Variants in ST3GAL4 observed in about 807,000 individuals in gnomAD.
ST3GAL4 encodes the protein ST3 beta-galactoside alpha-2,3-sialyltransferase 4.
ST3GAL4 carries 24 observed loss-of-function variants against 42.6 expected under a neutral mutation model. The ratio of observed to expected loss-of-function variants is 0.56; its 90% CI spans 0.41 to 0.79. ST3GAL4 has a LOEUF of 0.79. Ranked by LOEUF, ST3GAL4 falls within the 30% of genes least tolerant of loss-of-function variation. The probability of loss-of-function intolerance (pLI) is 0.00; values close to 1 mark genes in which losing one functional copy is unlikely to be tolerated. For missense variants in ST3GAL4, 311 were observed against 430.8 expected (o/e 0.72, Z 2.46); for synonymous variants, 135 against 163.2 (o/e 0.83, Z 1.32).
At chr11:126,367,589 A>G (rs1490737820) in intron 1 of ST3GAL4, among the ~76,000 whole-genome samples, 1 of 152,098 alleles carries the variant, frequency 6.6e-6, no homozygotes, top group Non-Finnish European at 1.5e-5. Flanking sequence ...GACGTTACAA[A>G]CCAGGATGTG....
chr11:126,361,495 G>A (rs769614146), intron 1 of ST3GAL4, among the ~76,000 whole-genome samples: 9 of 151,804 alleles, frequency 5.9e-5, no homozygotes, highest in African/African-American at 1.5e-4. Context: ...CACATGGCTT[G>A]GGCATTGTTG....
chr11:126,388,803 T>C (rs7927540), intron 1 of ST3GAL4, among the ~76,000 whole-genome samples: 60,900 of 117,050 alleles, frequency 0.52, 16,548 homozygotes, highest in African/African-American at 0.64. Flanking sequence ...CGGATTTTTG[T>C]TCTTGTTGCC....
At chr11:126,382,705 G>C (rs961279228) in intron 1 of ST3GAL4, among the ~76,000 whole-genome samples, 2 of 152,176 alleles carry the variant, frequency 1.3e-5, no homozygotes, top group African/African-American at 2.4e-5. Context: ...GGGACCCTGG[G>C]CTGGCTTCTG....
intron 1 of ST3GAL4, among the ~76,000 whole-genome samples, chr11:126,372,667 C>T (rs937063773): frequency 5.3e-5 from 8 of 152,138 alleles, no homozygotes; most frequent in Non-Finnish European, 1.0e-4. Context: ...CTGCGTGCCT[C>T]GACCTCCCAA....
Position 126,379,459 on chromosome 11 carries a change from C to G in ST3GAL4, c.-61+23617C>G, listed in dbSNP as rs1185236890. ...TTATGGAAGGATTTCTCTTGGGTAT[C>G]CTTAATTTTGTTTTTATATTATTAT... On this transcript the variant is annotated intron_variant, in intron 1 of 10. Coordinates refer to ENST00000444328, the MANE Select transcript of ST3GAL4 (RefSeq NM_001254757.2). The surrounding 1 kb of genome is among the most constrained non-coding windows in gnomAD (Gnocchi z 4.2). Among the ~76,000 whole-genome samples the G allele has an allele frequency of 1.3e-5, 2 of 152,010 alleles. No individual in the cohort carries two copies. The highest frequency in any genetic ancestry group is 6.6e-5 in the Admixed American group (1 of 15,236).
rs1222507903 is a variant in ST3GAL4, at chr11:126,386,908, C to G, written c.-60-19188C>G. ...GAACGGTAACACACACACCCCTCCC[C>G]CACCCCGCTGGAGAAGCCCTGCACC... is the stretch of plus-strand genomic sequence containing the variant. On this transcript the variant is annotated intron_variant, in intron 1 of 10. Transcript: ENST00000444328. The surrounding 1 kb of genome is among the most constrained non-coding windows in gnomAD (Gnocchi z 4.7). Among the ~76,000 whole-genome samples, 2 of 152,170 alleles carry G rather than the reference C, an allele frequency of 1.3e-5. No individual in the cohort carries two copies. Among genetic ancestry groups the G allele is most frequent in the African/African-American group, 4.8e-5 (2 of 41,430 alleles).
Position 126,406,379 on chromosome 11 carries a change from G to T in ST3GAL4, c.17-94G>T. 2 of 1,596,610 alleles carry T rather than the reference G, an allele frequency of 1.3e-6. No individual in the cohort carries two copies. Among genetic ancestry groups the T allele is most frequent in the South Asian group, 2.3e-5 (2 of 88,876 alleles). ...AGAGACTGCTTCTGTTGAGTTAGGG[G>T]TCGGAGGGACTCAGAAGGGGGCAGG... On this transcript the variant is annotated intron_variant, in intron 2 of 10. Coordinates refer to ENST00000444328, the MANE Select transcript of ST3GAL4 (RefSeq NM_001254757.2). The surrounding 1 kb of genome is among the most constrained non-coding windows in gnomAD (Gnocchi z 5.4).
chr11:126,400,785 C>T lies in ST3GAL4; in HGVS notation c.-60-5311C>T, dbSNP rs1470623227. Among the ~76,000 whole-genome samples the T allele has an allele frequency of 3.9e-5, 6 of 152,120 alleles. No homozygotes were observed. Among genetic ancestry groups the T allele is most frequent in the Admixed American group, 2.0e-4 (3 of 15,268 alleles). ...GGGATCTGGAACCAGGCTGTGGCTC[C>T]GGAAGAGGAGCTGGAGGGCTGCACT... On this transcript the variant is annotated intron_variant, in intron 1 of 10. Transcript: ENST00000444328. The surrounding 1 kb of genome is among the most constrained non-coding windows in gnomAD (Gnocchi z 4.6).
Position 126,414,557 on chromosome 11 carries a change from T to C in ST3GAL4, c.*510T>C. ...CCAGCAGGCATGGGAAGAGCACTGG[T>C]GTGGGGGTTCCACCGAGAAGGGGAC... On this transcript the variant is annotated 3_prime_UTR_variant, in exon 11 of 11. Coordinates refer to ENST00000444328, the MANE Select transcript of ST3GAL4 (RefSeq NM_001254757.2). 1 of 153,164 alleles carries C rather than the reference T, an allele frequency of 6.5e-6. No homozygotes were observed. The highest frequency in any genetic ancestry group is 1.4e-5 in the Non-Finnish European group (1 of 69,028). 9.5% of individuals were successfully genotyped at this position (153,164 alleles called of 1,614,324 possible).
In ST3GAL4 at chr11:126,396,598, C is replaced by G. The variant is rs1488625253; in HGVS notation, c.-60-9498C>G. Among the ~76,000 whole-genome samples the G allele has an allele frequency of 6.6e-6, 1 of 151,758 alleles. No homozygotes were observed. The highest frequency in any genetic ancestry group is 2.4e-5 in the African/African-American group (1 of 41,110). On this transcript the variant is annotated intron_variant, in intron 1 of 10. Coordinates refer to ENST00000444328, the MANE Select transcript of ST3GAL4 (RefSeq NM_001254757.2). The surrounding 1 kb of genome is among the most constrained non-coding windows in gnomAD (Gnocchi z 5.8). ...ACAGGCTCTTCGTCACTGTGCGGAG[C>G]CTTCGAAGGACTTGGATGTGCTTGA...
chr11:126,404,262 T>C (rs1448708580), intron 1 of ST3GAL4, among the ~76,000 whole-genome samples: 2 of 152,186 alleles, frequency 1.3e-5, no homozygotes, highest in Non-Finnish European at 2.9e-5. Flanking sequence ...TCTGGCCTTT[T>C]TTGAGCAGTG....
chr11:126,410,192 G>A lies in ST3GAL4; in HGVS notation c.771+781G>A, dbSNP rs1411376960. 6.6e-6 allele frequency among the ~76,000 whole-genome samples: 1 copy of A among 152,166 alleles called. No individual in the cohort carries two copies. The highest frequency in any genetic ancestry group is 6.5e-5 in the Admixed American group (1 of 15,278). The stretch of plus-strand genomic sequence containing the variant: ...AAAATGCCGGGATTACAGGTGTAAG[G>A]CACTGTGTCTGACCACAAGTTATGT... On this transcript the variant is annotated intron_variant, in intron 9 of 10. Coordinates refer to ENST00000444328, the MANE Select transcript of ST3GAL4 (RefSeq NM_001254757.2). This position sits in a 1 kb window ranked among gnomAD's most constrained non-coding sequence, Gnocchi z 5.3.
rs754937174 is a variant in ST3GAL4, at chr11:126,358,387, C to A, written c.-61+2545C>A. The A allele has an allele frequency of 1.3e-4, 51 of 398,014 alleles. 1 individual carries two copies. Among genetic ancestry groups the A allele is most frequent in the Non-Finnish European group, 1.5e-5 (3 of 196,296 alleles). 24.7% of individuals were successfully genotyped at this position (398,014 alleles called of 1,614,324 possible). On this transcript the variant is annotated intron_variant, in intron 1 of 10. Transcript: ENST00000444328. Reference sequence around the variant, plus strand: ...GATTTGGGTGACTCTTGTTATTAACCCCCTCTTCTTTGTTGCCCCCTTCCC... The same window carrying A: ...GATTTGGGTGACTCTTGTTATTAACACCCTCTTCTTTGTTGCCCCCTTCCC...
intron 1 of ST3GAL4, among the ~76,000 whole-genome samples, chr11:126,356,650 A>G (rs1476676753): frequency 6.6e-6 from 1 of 152,208 alleles, no homozygotes; most frequent in East Asian, 1.9e-4. Flanking sequence ...AACTGCTGCC[A>G]GAAGGCTGGG....
chr11:126,409,418 A>C lies in ST3GAL4; in HGVS notation c.771+7A>C. The C allele has an allele frequency of 6.2e-7, 1 of 1,614,192 alleles. No homozygotes were observed. The highest frequency in any genetic ancestry group is 8.5e-7 in the Non-Finnish European group (1 of 1,180,030). ...GCCACGGAAGATTAAGCAGGTGATG[A>C]TGGGAAGTCAGGCCTGAGGGCTAGG... On this transcript the variant is annotated splice_region_variant and intron_variant, in intron 9 of 10. Coordinates refer to ENST00000444328, the MANE Select transcript of ST3GAL4 (RefSeq NM_001254757.2). This position sits in a 1 kb window ranked among gnomAD's most constrained non-coding sequence, Gnocchi z 4.9.
rs1952715026 is a variant in ST3GAL4 at position 126,373,072 on chromosome 11, GAC to G, written c.-61+17231_-61+17232del. ...TTTGTTGATTACATGCACTGTACCT[GAC>G]TTGTTTAAAGCCTGATGTCTTGAGT... On this transcript the variant is annotated intron_variant, in intron 1 of 10. Coordinates refer to ENST00000444328, the MANE Select transcript of ST3GAL4 (RefSeq NM_001254757.2). The surrounding 1 kb of genome is among the most constrained non-coding windows in gnomAD (Gnocchi z 5.5). 6.6e-6 allele frequency among the ~76,000 whole-genome samples: 1 copy of G among 152,206 alleles called. No homozygotes were observed. Among genetic ancestry groups the G allele is most frequent in the South Asian group, 2.1e-4 (1 of 4,830 alleles).
In ST3GAL4 at chr11:126,414,128, GC is replaced by G; in HGVS notation, c.*83del. On this transcript the variant is annotated 3_prime_UTR_variant, in exon 11 of 11. Coordinates refer to ENST00000444328, the MANE Select transcript of ST3GAL4 (RefSeq NM_001254757.2). ...ATGCGTGGCTGTGGGGGTGGCTGGT[GC>G]CAGTATGACCCACTTGGACTCACCC... 6.9e-7 allele frequency: 1 copy of G among 1,441,402 alleles called. No individual in the cohort carries two copies. The highest frequency in any genetic ancestry group is 9.8e-7 in the Non-Finnish European group (1 of 1,024,158). 89.3% of individuals were successfully genotyped at this position (1,441,402 alleles called of 1,614,324 possible).
At chr11:126,395,886 TGGGAGGAGTTGGCAAGGA>T (rs1033942516) in intron 1 of ST3GAL4, among the ~76,000 whole-genome samples, 21 of 152,200 alleles carry the variant, frequency 1.4e-4, no homozygotes, top group African/African-American at 4.8e-4. Context: ...CAGCCTGTGT[TGGGAGGAGTTGGCAAGGA>T]GGGAGGAGGT....
At position 126,391,820 on chromosome 11, in the gene ST3GAL4, G is replaced by A. The variant is rs562619982; in HGVS notation, c.-60-14276G>A. Reference sequence around the variant, plus strand: ...GTGTCTGGGGAGGGCAGAACCCAGCGTCACTGACACCCTCCAGATACAGAG... The same window carrying A: ...GTGTCTGGGGAGGGCAGAACCCAGCATCACTGACACCCTCCAGATACAGAG... On this transcript the variant is annotated intron_variant, in intron 1 of 10. Coordinates refer to ENST00000444328, the MANE Select transcript of ST3GAL4 (RefSeq NM_001254757.2). This position sits in a 1 kb window ranked among gnomAD's most constrained non-coding sequence, Gnocchi z 5.5. Among the ~76,000 whole-genome samples the A allele has an allele frequency of 3.6e-4, 55 of 152,220 alleles. No homozygotes were observed. Among genetic ancestry groups the A allele is most frequent in the African/African-American group, 1.0e-3 (43 of 41,522 alleles).
Sources: allele counts gnomAD v4.1 joint callset (sites outside exome capture counted in the v4.1 genomes callset), GRCh38; gene constraint gnomAD v4.1.1; non-coding constraint Gnocchi (gnomAD v3.1); transcripts MANE v1.5; gene names NCBI Gene and HGNC (gene_info 2026-07-23, HGNC 2026-07-21).